The following MSH3 variants were observed in gnomAD, a reference collection of about 807,000 sequenced individuals.
MSH3 encodes the protein DNA mismatch repair protein Msh3.
A neutral mutation model predicts 123.3 loss-of-function variants in MSH3; 106 were observed. The ratio of observed to expected loss-of-function variants is 0.86; its 90% CI spans 0.73 to 1.01. MSH3 has a LOEUF of 1.01. MSH3 is among the 50% of genes least tolerant of loss of function. The probability of loss-of-function intolerance (pLI) is 0.00; values close to 1 mark genes in which losing one functional copy is unlikely to be tolerated. For missense variants in MSH3, 1,459 were observed against 1,347.6 expected (o/e 1.08, Z -1.29); for synonymous variants, 515 against 481.4 (o/e 1.07, Z -0.91).
At position 80,656,423 on chromosome 5, in the gene MSH3, G is replaced by C; in HGVS notation, c.250G>C (p.Asp84His). ...QLPPHIATEI[D>H]RRKKRPLEND... The stretch of plus-strand genomic sequence containing the variant: ...CTTCCCGATATAGGCTACAGAAATT[G>C]ACAGAAGAAAGAAGAGACCATTGGA... Residue 84 changes from aspartate to histidine, a missense_variant, in exon 2 of 24, where the codon GAC (aspartate) becomes CAC (histidine). Physicochemically the swap from Asp to His is moderately conservative, Grantham distance 81. Transcript: ENST00000265081. The C allele has an allele frequency of 6.2e-7, 1 of 1,614,066 alleles. No homozygotes were observed. The highest frequency in any genetic ancestry group is 8.5e-7 in the Non-Finnish European group (1 of 1,179,994).
intron 17 of MSH3, among the ~76,000 whole-genome samples, chr5:80,784,507 C>T (rs1250753022): frequency 7.2e-5 from 11 of 152,040 alleles, no homozygotes; most frequent in Non-Finnish European, 1.5e-4. Context: ...AAGCATATCA[C>T]GGAGAATGGG....
rs757029677 is a variant in MSH3, at chr5:80,656,555, TCTC to T, written c.358+28_358+30del. The T allele has an allele frequency of 1.9e-6, 3 of 1,613,774 alleles. No homozygotes were observed. The African/African-American group carries it at 4.0e-5, about 22-fold the overall frequency. ...TGGTGAGTTGTGGGGGATTCTTTTT[TCTC>T]CTCAGTCATGGCTCTGGTATTCTGG... On this transcript the variant is annotated intron_variant, in intron 2 of 23. Transcript: ENST00000265081.
At chr5:80,769,619 T>C (rs1003423112) in intron 15 of MSH3, among the ~76,000 whole-genome samples, 3 of 152,084 alleles carry the variant, frequency 2.0e-5, no homozygotes, top group Admixed American at 2.0e-4. Context: ...AGTCCTATTC[T>C]GGGTCTTGAG....
chr5:80,745,149 C>T (rs996049401), intron 12 of MSH3, among the ~76,000 whole-genome samples: 1 of 152,158 alleles, frequency 6.6e-6, no homozygotes, highest in Admixed American at 6.5e-5. Flanking sequence ...GAATCCAGTG[C>T]CTAACATACA....
At chr5:80,779,097 T>C (rs375650779) in intron 17 of MSH3, among the ~76,000 whole-genome samples, 1 of 151,644 alleles carries the variant, frequency 6.6e-6, no homozygotes, top group African/African-American at 2.4e-5. Context: ...GTTCAAGCAA[T>C]TCTTTGTGCC....
At chr5:80,762,778 T>G (rs1012590691) in intron 13 of MSH3, among the ~76,000 whole-genome samples, 6 of 128,042 alleles carry the variant, frequency 4.7e-5, no homozygotes, top group Middle Eastern at 4.0e-3. Flanking sequence ...TTATTTTAAT[T>G]TTTTATTTTA....
intron 20 of MSH3, among the ~76,000 whole-genome samples, chr5:80,829,577 G>A (rs1745383674): frequency 6.6e-6 from 1 of 152,168 alleles, no homozygotes. Context: ...TGCACACTTA[G>A]GATGAGTCCT....
At chr5:80,745,944 T>G (rs1561464032) in intron 12 of MSH3, among the ~76,000 whole-genome samples, 1 of 152,326 alleles carries the variant, frequency 6.6e-6, no homozygotes, top group East Asian at 1.9e-4. Flanking sequence ...GACACTGTTA[T>G]GGGTTTTGCT....
chr5:80,809,191 C>T (rs1355694568), intron 19 of MSH3, among the ~76,000 whole-genome samples: 2 of 151,828 alleles, frequency 1.3e-5, no homozygotes, highest in Admixed American at 6.6e-5. Context: ...ACAAAATGCA[C>T]GTAAGGCTAG....
intron 13 of MSH3, among the ~76,000 whole-genome samples, chr5:80,762,916 G>A (rs1744066904): frequency 6.6e-6 from 1 of 151,482 alleles, no homozygotes; most frequent in African/African-American, 2.4e-5. Flanking sequence ...GCGTGATCTC[G>A]GCTCACTGCA....
At chr5:80,847,180 C>G (rs1276901208) in intron 20 of MSH3, among the ~76,000 whole-genome samples, 1 of 152,114 alleles carries the variant, frequency 6.6e-6, no homozygotes, top group Non-Finnish European at 1.5e-5. Flanking sequence ...CTGCCTTAGC[C>G]TCCTGAGTAG....
chr5:80,808,334 T>C (rs1326090459), intron 19 of MSH3, among the ~76,000 whole-genome samples: 6 of 152,220 alleles, frequency 3.9e-5, no homozygotes, highest in Non-Finnish European at 8.8e-5. Context: ...TTTATTGTTA[T>C]GTTTTTCTAT....
At position 80,665,171 on chromosome 5, in the gene MSH3, T is replaced by G; in HGVS notation, c.387T>G (p.Asn129Lys). The stretch of plus-strand genomic sequence containing the variant: ...CAAAGAAATGTCTGAGGACCAGGAA[T>G]GTTTCAAAGTCTCTGGAAAAATTGA... ...SEPKKCLRTR[N>K]VSKSLEKLKE... The change falls in exon 3 of 24, where the codon AAT (asparagine) becomes AAG (lysine). Residue 129 changes from asparagine (N) to lysine (K), a missense_variant. Physicochemically the swap from Asn to Lys is moderately conservative, Grantham distance 94 (BLOSUM62 0). Coordinates refer to ENST00000265081, the MANE Select transcript of MSH3 (RefSeq NM_002439.5). 1 of 1,614,078 alleles carries G rather than the reference T, an allele frequency of 6.2e-7. No individual in the cohort carries two copies. Among genetic ancestry groups the G allele is most frequent in the Non-Finnish European group, 8.5e-7 (1 of 1,179,960 alleles).
chr5:80,713,771 G>T (rs996650062), intron 8 of MSH3, among the ~76,000 whole-genome samples: 1 of 140,806 alleles, frequency 7.1e-6, no homozygotes, highest in Non-Finnish European at 1.5e-5. Context: ...GGTGGCTACC[G>T]GTATTGTTCT....
In MSH3 at chr5:80,813,748, A is replaced by G; in HGVS notation, c.2813+7A>G. ...TGGATGGCATTTTCACAAGGTAAGT[A>G]CGTTAATTCAGCTTGCATATATTCT... is the stretch of plus-strand genomic sequence containing the variant. On this transcript the variant is annotated splice_region_variant and intron_variant, in intron 20 of 23. Coordinates refer to ENST00000265081, the MANE Select transcript of MSH3 (RefSeq NM_002439.5). 1.2e-6 allele frequency: 2 copies of G among 1,614,134 alleles called. No homozygotes were observed. Among genetic ancestry groups the G allele is most frequent in the Non-Finnish European group, 1.7e-6 (2 of 1,179,958 alleles).
chr5:80,720,669 T>C (rs185792994), intron 8 of MSH3, among the ~76,000 whole-genome samples: 3 of 152,302 alleles, frequency 2.0e-5, no homozygotes, highest in East Asian at 3.9e-4. Flanking sequence ...TTTATGGAGA[T>C]ATCTAACATG....
chr5:80,675,242 T>G, intron 7 of MSH3, 114 bp downstream of exon 7: 1 of 1,191,842 alleles, frequency 8.4e-7, no homozygotes, highest in Non-Finnish European at 1.2e-6. Flanking sequence ...TTCAGATAAT[T>G]ATACAAGAAA....
intron 13 of MSH3, among the ~76,000 whole-genome samples, chr5:80,766,385 G>C (rs1219105927): frequency 1.1e-5 from 1 of 93,438 alleles, no homozygotes; most frequent in African/African-American, 4.3e-5. Flanking sequence ...TTGCTCTGTT[G>C]CCCAGGCAGG....
intron 12 of MSH3, among the ~76,000 whole-genome samples, chr5:80,750,735 C>T (rs1743818777): frequency 6.6e-6 from 1 of 152,030 alleles, no homozygotes; most frequent in South Asian, 2.1e-4. Flanking sequence ...TGATGCAATC[C>T]CATTCGTCTG....
Sources: gnomAD v4.1 joint callset for allele counts (sites outside exome capture counted in the v4.1 genomes callset) on GRCh38, gnomAD v4.1.1 for gene constraint, MANE v1.5 for transcripts, NCBI Gene and HGNC (gene_info 2026-07-23, HGNC 2026-07-21) for gene names.